The following KMT2C variants were observed in gnomAD, a reference collection of about 807,000 sequenced individuals.
KMT2C encodes lysine methyltransferase 2C, also known as histone-lysine N-methyltransferase 2C.
A neutral mutation model predicts 507.9 loss-of-function variants in KMT2C; 88 were observed. The ratio of observed to expected loss-of-function variants is 0.17; its 90% confidence interval spans 0.15 to 0.21. The LOEUF (loss-of-function observed/expected upper bound fraction) is 0.21, where lower values mean the gene tolerates loss of function less well. KMT2C is among the 10% of genes least tolerant of loss of function. The pLI is 1.00. For synonymous variants in KMT2C, 2,049 were observed against 2,080.8 expected, an observed-to-expected ratio of 0.98 and a Z score of 0.42; for missense variants, 4,954 against 5,957.8, an observed-to-expected ratio of 0.83 and a Z score of 5.55.
chr7:152,327,957 CAAAAAAAA>C (rs371396057), intron 3 of KMT2C, among the ~76,000 whole-genome samples: 88 of 78,702 alleles, frequency 1.1e-3, no homozygotes, highest in Middle Eastern at 0.013. Context: ...GACTCCGCCT[CAAAAAAAA>C]AAAAAAAAAA....
At chr7:152,411,498 T>C (rs2097683079) in intron 1 of KMT2C, among the ~76,000 whole-genome samples, 1 of 150,068 alleles carries the variant, frequency 6.7e-6, no homozygotes, top group African/African-American at 2.5e-5. Flanking sequence ...TCTCCCTCCC[T>C]CTCTCCCACC....
rs906864532 is a variant in KMT2C, at chr7:152,180,888, A to T, written c.6972T>A (p.Asp2324Glu). Residue 2324 changes from aspartate to glutamate, a missense_variant, in exon 36 of 59, where the codon GAT (aspartate) becomes GAA (glutamate). Physicochemically the swap from Asp to Glu is conservative, Grantham distance 45. This residue lies in a region of KMT2C where 1,689 missense variants were observed against 1,654.3 expected (regional missense o/e 1.02). Coordinates refer to ENST00000262189, the MANE Select transcript of KMT2C (RefSeq NM_170606.3). ...TCCCCTCTGATCCAGGCCTTGGCTG[A>T]TCAGCAACATCATGGGCAGTTTGAC... Reference protein sequence around the residue: ...GTSQTAHDVADQPRPGSEGSF... With the variant: ...GTSQTAHDVAEQPRPGSEGSF... 1 of 1,614,188 alleles carries T rather than the reference A, an allele frequency of 6.2e-7. No individual in the cohort carries two copies. Among genetic ancestry groups the T allele is most frequent in the African/African-American group, 1.3e-5 (1 of 75,052 alleles).
rs563253300 is a variant in KMT2C, at chr7:152,160,518, C to A, written c.11461-1446G>T. 2.6e-5 allele frequency among the ~76,000 whole-genome samples: 4 copies of A among 151,948 alleles called. No individual in the cohort carries two copies. In the South Asian group the frequency reaches 8.3e-4, roughly 32 times the overall value. On this transcript the variant is annotated intron_variant, in intron 43 of 58. Transcript: ENST00000262189. ...TACATTCTGAGAAGCAGGTGTGTGG[C>A]GGGAGATTCTGCATGTGTTACAAAG... is the stretch of plus-strand genomic sequence containing the variant.
intron 25 of KMT2C, among the ~76,000 whole-genome samples, chr7:152,204,614 G>GATAA (rs2094245034): frequency 6.6e-6 from 1 of 151,078 alleles, no homozygotes; most frequent in East Asian, 2.0e-4. Context: ...TAGATAGATA[G>GATAA]ATAGATAGAT....
intron 2 of KMT2C, among the ~76,000 whole-genome samples, chr7:152,356,751 G>A (rs564582558): frequency 1.7e-4 from 25 of 151,152 alleles, no homozygotes; most frequent in African/African-American, 4.6e-4. Context: ...TTAGCGAGGC[G>A]TGGTGGCATC....
rs1161071162 is a variant in KMT2C at position 152,179,831 on chromosome 7, T to A, written c.7442+3A>T. 1 of 1,611,812 alleles carries A rather than the reference T, an allele frequency of 6.2e-7. No homozygotes were observed. On this transcript the variant is annotated splice_donor_region_variant and intron_variant, in intron 37 of 58. Coordinates refer to ENST00000262189, the MANE Select transcript of KMT2C (RefSeq NM_170606.3). Reference sequence around the variant, plus strand: ...AAATTCGGCAGGAAATTAAAAGCATTACCTAAATCCATGAGGTCTCATCCC... The same window carrying A: ...AAATTCGGCAGGAAATTAAAAGCATAACCTAAATCCATGAGGTCTCATCCC...
chr7:152,154,062 G>C lies in KMT2C; in HGVS notation c.12224C>G (p.Pro4075Arg). ...ASPFGPSPNG[P>R]RSGLISVAIT... is the part of the protein sequence containing the mutation. The stretch of plus-strand genomic sequence containing the variant: ...TGCTACAGATATAAGACCTGATCTG[G>C]GACCATTTGGGGAAGGACCAAAAGG... Residue 4075 changes from proline (P) to arginine (R), a missense_variant, in exon 48 of 59, where the codon CCC (proline) becomes CGC (arginine). Coordinates refer to ENST00000262189, the MANE Select transcript of KMT2C (RefSeq NM_170606.3). 4 of 1,613,944 alleles carry C rather than the reference G, an allele frequency of 2.5e-6. No homozygotes were observed. The highest frequency in any genetic ancestry group is 3.4e-6 in the Non-Finnish European group (4 of 1,179,880).
In KMT2C at chr7:152,176,135, C is replaced by T. The variant is rs530123585; in HGVS notation, c.9262+56G>A. The stretch of plus-strand genomic sequence containing the variant: ...TAATAATAAAATCTTATAAGCATAT[C>T]GCATGCCACTCTAATACCCATAGTA... On this transcript the variant is annotated intron_variant, in intron 38 of 58. Transcript: ENST00000262189. 43 of 1,426,076 alleles carry T rather than the reference C, an allele frequency of 3.0e-5. No homozygotes were observed. The African/African-American group carries it at 4.1e-4, about 14-fold the overall frequency. 88.3% of individuals were successfully genotyped at this position (1,426,076 alleles called of 1,614,324 possible).
intron 1 of KMT2C, among the ~76,000 whole-genome samples, chr7:152,417,048 CAAAA>C (rs34690030): frequency 0.16 from 10,791 of 66,928 alleles, 708 homozygotes; most frequent in African/African-American, 0.34. Context: ...GACATCATCT[CAAAA>C]AAAAAAAAAA....
intron 10 of KMT2C, 50 bp from the exon 11 acceptor site, chr7:152,252,140 T>C (rs1563592247): frequency 2.2e-6 from 3 of 1,373,694 alleles, no homozygotes; most frequent in Non-Finnish European, 3.0e-6. Flanking sequence ...CGAGTTATTA[T>C]CTAGGTAAAG....
chr7:152,242,161 T>C (rs2095398133), intron 14 of KMT2C, among the ~76,000 whole-genome samples: 1 of 152,198 alleles, frequency 6.6e-6, no homozygotes. Flanking sequence ...TCCCCTACAA[T>C]CCAGTTGCAG....
chr7:152,395,223 T>C (rs10258897), intron 1 of KMT2C, among the ~76,000 whole-genome samples: 7,500 of 152,200 alleles, frequency 0.049, 655 homozygotes, highest in African/African-American at 0.17. Context: ...CTTGCTCTGT[T>C]GCACCGGCTG....
rs748260127 is a variant in KMT2C at position 152,176,905 on chromosome 7, C to A, written c.8548G>T (p.Asp2850Tyr). Residue 2850 changes from aspartate to tyrosine, a missense_variant, in exon 38 of 59, where the codon GAC becomes TAC. Transcript: ENST00000262189. The part of the protein sequence containing the change: ...EKNDENKDNV[D>Y]TPCSQASAHS... ...GCAGAAGCCTGTGAGCAAGGAGTGT[C>A]AACATTATCTTTATTCTCATCATTT... is the stretch of plus-strand genomic sequence containing the variant. 6.2e-7 allele frequency: 1 copy of A among 1,614,162 alleles called. No individual in the cohort carries two copies. The highest frequency in any genetic ancestry group is 8.5e-7 in the Non-Finnish European group (1 of 1,180,034).
At chr7:152,323,400 G>A (rs865825632) in intron 3 of KMT2C, among the ~76,000 whole-genome samples, 1 of 151,962 alleles carries the variant, frequency 6.6e-6, no homozygotes, top group Admixed American at 6.5e-5. Flanking sequence ...CACTTCGGGA[G>A]GCCAAGGCTG....
rs537188192 is a variant in KMT2C, at chr7:152,136,666, C to T, written c.*166G>A. On this transcript the variant is annotated 3_prime_UTR_variant, in exon 59 of 59. Transcript: ENST00000262189. ...GCTGCTTCTGTCAGCTTCCTCCTGGCGCTGCTTTAACCTAAAGGACTGAGG... is the reference window on the plus strand; with the variant it reads ...GCTGCTTCTGTCAGCTTCCTCCTGGTGCTGCTTTAACCTAAAGGACTGAGG... 1.1e-4 allele frequency: 65 copies of T among 599,240 alleles called. No homozygotes were observed. The African/African-American group carries it at 1.1e-3, about 10-fold the overall frequency. 37.1% of individuals were successfully genotyped at this position (599,240 alleles called of 1,614,324 possible). A position where few individuals can be genotyped will look rare whatever the true frequency, so the allele number is the denominator to read the frequency against.
At chr7:152,395,430 CCTCCTGTCTT>C (rs2097532090) in intron 1 of KMT2C, among the ~76,000 whole-genome samples, 1 of 152,076 alleles carries the variant, frequency 6.6e-6, no homozygotes, top group African/African-American at 2.4e-5. Flanking sequence ...CTTAAGTGAT[CCTCCTGTCTT>C]AGCCTCCCAA....
chr7:152,161,041 A>G (rs1277229413), intron 43 of KMT2C, among the ~76,000 whole-genome samples: 1 of 152,218 alleles, frequency 6.6e-6, no homozygotes, highest in Non-Finnish European at 1.5e-5. Context: ...TGTGGTATAC[A>G]TAGAAGGGTA....
In KMT2C at chr7:152,420,248, T is replaced by G. The variant is rs552543080; in HGVS notation, c.161+15378A>C. On this transcript the variant is annotated intron_variant, in intron 1 of 58. Transcript: ENST00000262189. ...AGAAATGTACTTTGAAAGGAAGAGA[T>G]TTTAAGTCACCTATAATCTAACACC... is the stretch of plus-strand genomic sequence containing the variant. Among the ~76,000 whole-genome samples the G allele has an allele frequency of 1.8e-4, 28 of 152,250 alleles. No individual in the cohort carries two copies. The South Asian group carries it at 5.8e-3, about 32-fold the overall frequency.
At chr7:152,198,726 C>A (rs2094039719) in intron 27 of KMT2C, among the ~76,000 whole-genome samples, 3 of 152,116 alleles carry the variant, frequency 2.0e-5, no homozygotes, top group Admixed American at 2.0e-4. Flanking sequence ...TTGGCAATAT[C>A]TGGAGATATT....
Sources: allele counts gnomAD v4.1 joint callset (sites outside exome capture counted in the v4.1 genomes callset), GRCh38; gene constraint gnomAD v4.1.1; regional missense constraint gnomAD v4.1.1; transcripts MANE v1.5; gene names NCBI Gene and HGNC (gene_info 2026-07-23, HGNC 2026-07-21).